Variants in SLC1A3 observed in about 807,000 individuals in gnomAD.
SLC1A3 encodes excitatory amino acid transporter 1.
A neutral mutation model predicts 48.1 loss-of-function variants in SLC1A3; 21 were observed. The observed-to-expected ratio is 0.44, with a 90% CI of 0.31 to 0.63. The LOEUF (loss-of-function observed/expected upper bound fraction) is 0.63, where lower values mean the gene tolerates loss of function less well. Ranked by LOEUF, SLC1A3 falls within the 20% of genes least tolerant of loss-of-function variation. The probability of loss-of-function intolerance (pLI) is 0.08; values close to 1 mark genes in which losing one functional copy is unlikely to be tolerated. For synonymous variants in SLC1A3, 239 were observed against 251.4 expected, an observed-to-expected ratio of 0.95 and a Z score of 0.47; for missense variants, 546 against 689.0, an observed-to-expected ratio of 0.79 and a Z score of 2.32.
intron 3 of SLC1A3, among the ~76,000 whole-genome samples, chr5:36,646,638 T>C (rs929951587): frequency 1.3e-5 from 2 of 152,114 alleles, no homozygotes; most frequent in African/African-American, 2.4e-5. Context: ...GTCCTCAGTG[T>C]GTGTTAGAGA....
chr5:36,635,050 T>G (rs1197294119), intron 3 of SLC1A3, among the ~76,000 whole-genome samples: 2 of 152,136 alleles, frequency 1.3e-5, no homozygotes, highest in Non-Finnish European at 2.9e-5. Flanking sequence ...TCTTAAACTA[T>G]GCATTGCCAT....
chr5:36,609,125 A>G, intron 2 of SLC1A3: 1 of 986,220 alleles, frequency 1.0e-6, no homozygotes, highest in Non-Finnish European at 1.2e-6. Flanking sequence ...CAACTGGGAA[A>G]GGTAGATTGG....
intron 8 of SLC1A3, 66 bp downstream of exon 8, chr5:36,680,655 C>G: frequency 7.3e-7 from 1 of 1,377,926 alleles, no homozygotes. Flanking sequence ...TGGTGGCTCA[C>G]GCCTGTAATC....
chr5:36,618,439 C>T (rs1739534426), intron 2 of SLC1A3, among the ~76,000 whole-genome samples: 1 of 152,220 alleles, frequency 6.6e-6, no homozygotes, highest in African/African-American at 2.4e-5. Context: ...GCTAGGATCA[C>T]CCCGCTCCCA....
At chr5:36,680,274 C>G in intron 7 of SLC1A3, 121 bp from the exon 8 acceptor site, 1 of 833,128 alleles carries the variant, frequency 1.2e-6, no homozygotes, top group Non-Finnish European at 2.0e-6. Flanking sequence ...CAATTGCTGA[C>G]TTAGTTCCCT....
At chr5:36,667,462 G>C (rs558720512) in intron 3 of SLC1A3, among the ~76,000 whole-genome samples, 12 of 152,194 alleles carry the variant, frequency 7.9e-5, no homozygotes, top group Non-Finnish European at 1.6e-4. Context: ...CTCCTGGCTT[G>C]TCCATAAAAA....
intron 2 of SLC1A3, among the ~76,000 whole-genome samples, chr5:36,610,954 A>G (rs1270911303): frequency 6.6e-6 from 1 of 152,218 alleles, no homozygotes; most frequent in Non-Finnish European, 1.5e-5. Flanking sequence ...AAAGACTTGG[A>G]ATAGCAAATA....
At chr5:36,625,353 G>A (rs1739860816) in intron 2 of SLC1A3, among the ~76,000 whole-genome samples, 1 of 152,180 alleles carries the variant, frequency 6.6e-6, no homozygotes. Context: ...AGCTACTCAG[G>A]AGGCTGAGGC....
intron 3 of SLC1A3, among the ~76,000 whole-genome samples, chr5:36,657,544 A>T (rs1741330359): frequency 6.6e-6 from 1 of 152,202 alleles, no homozygotes; most frequent in African/African-American, 2.4e-5. Context: ...TCAACGACTC[A>T]ACAACATAGA....
At position 36,687,541 on chromosome 5, in the gene SLC1A3, C is replaced by T. The variant is rs986100844; in HGVS notation, c.*1272C>T. 2 of 152,030 alleles carry T rather than the reference C, an allele frequency of 1.3e-5. No homozygotes were observed. The highest frequency in any genetic ancestry group is 4.8e-5 in the African/African-American group (2 of 41,364). 9.4% of individuals were successfully genotyped at this position (152,030 alleles called of 1,614,324 possible). ...GAAAGAAGTCAAATGAATGAGCTCTCTAATAGAAGTCCATGAGTTGAGTGG... is the reference window on the plus strand; with the variant it reads ...GAAAGAAGTCAAATGAATGAGCTCTTTAATAGAAGTCCATGAGTTGAGTGG... On this transcript the variant is annotated 3_prime_UTR_variant, in exon 10 of 10. Coordinates refer to ENST00000265113, the MANE Select transcript of SLC1A3 (RefSeq NM_004172.5).
intron 3 of SLC1A3, 125 bp downstream of exon 3, chr5:36,629,712 A>C: frequency 1.2e-6 from 1 of 818,656 alleles, no homozygotes; most frequent in Non-Finnish European, 2.1e-6. Flanking sequence ...AAAAAAAAAA[A>C]GTCCCTTCAA....
chr5:36,636,505 T>TTCTCTCTTTTTTTCTTTCTC (rs1177117898), intron 3 of SLC1A3: 2 of 70,200 alleles, frequency 2.8e-5, no homozygotes, highest in South Asian at 9.3e-4. Context: ...CTTTCTTTCT[T>TTCTCTCTTTTTTTCTTTCTC]TTTCTTTCTT....
At chr5:36,642,295 G>A (rs1460961406) in intron 3 of SLC1A3, among the ~76,000 whole-genome samples, 3 of 152,160 alleles carry the variant, frequency 2.0e-5, no homozygotes, top group Non-Finnish European at 2.9e-5. Flanking sequence ...AAAGTGCTGT[G>A]TACACCACAT....
At chr5:36,608,287 C>A in intron 1 of SLC1A3, 42 bp from the exon 2 acceptor site, 2 of 746,906 alleles carry the variant, frequency 2.7e-6, no homozygotes, top group Non-Finnish European at 4.5e-6. Context: ...GATTTCTCAC[C>A]CCTGGAGGCT....
At chr5:36,628,511 A>G (rs1740001370) in intron 2 of SLC1A3, among the ~76,000 whole-genome samples, 1 of 152,188 alleles carries the variant, frequency 6.6e-6, no homozygotes, top group South Asian at 2.1e-4. Flanking sequence ...ATGGAATCAC[A>G]TGTTTCAGTA....
Position 36,608,564 on chromosome 5 carries a change from G to T in SLC1A3, c.141G>T (p.Arg47=). The change falls in exon 2 of 10, where the codon CGG becomes CGT. Residue 47 remains arginine, a synonymous_variant. Coordinates refer to ENST00000265113, the MANE Select transcript of SLC1A3 (RefSeq NM_004172.5). Reference sequence around the variant, plus strand: ...AGGATGTTAAAAGTTACCTGTTTCGGAATGCTTTTGTGCTGCTCACAGTCA... The same window carrying T: ...AGGATGTTAAAAGTTACCTGTTTCGTAATGCTTTTGTGCTGCTCACAGTCA... ...TKEDVKSYLF[R]NAFVLLTVTA... 1 of 1,614,056 alleles carries T rather than the reference G, an allele frequency of 6.2e-7. No individual in the cohort carries two copies. Among genetic ancestry groups the T allele is most frequent in the Non-Finnish European group, 8.5e-7 (1 of 1,179,930 alleles).
intron 8 of SLC1A3, among the ~76,000 whole-genome samples, chr5:36,682,962 C>A (rs959294042): frequency 1.3e-5 from 2 of 152,218 alleles, no homozygotes; most frequent in Admixed American, 1.3e-4. Context: ...TAATACTTTA[C>A]TATTTATAAA....
intron 2 of SLC1A3, among the ~76,000 whole-genome samples, chr5:36,623,584 G>A (rs1231891528): frequency 1.3e-5 from 2 of 151,728 alleles, no homozygotes; most frequent in Admixed American, 1.3e-4. Flanking sequence ...GGCCGGGAGA[G>A]GTGGTTCACG....
chr5:36,670,924 G>T, intron 3 of SLC1A3, 105 bp from the exon 4 acceptor site: 1 of 963,440 alleles, frequency 1.0e-6, no homozygotes, highest in Non-Finnish European at 1.6e-6. Context: ...CCATGGCTGG[G>T]TGGGATAAGG....
Sources: allele counts gnomAD v4.1 joint callset (sites outside exome capture counted in the v4.1 genomes callset), GRCh38; gene constraint gnomAD v4.1.1; transcripts MANE v1.5; gene names NCBI Gene and HGNC (gene_info 2026-07-23, HGNC 2026-07-21).